GCM1: variants seen among roughly 807,000 people sequenced by gnomAD.
The protein encoded by GCM1 is GCM transcription factor 1.
A neutral mutation model predicts 25.7 loss-of-function variants in GCM1; 2 were observed. The observed-to-expected ratio is 0.08, with a 90% CI of 0.03 to 0.24. The LOEUF (loss-of-function observed/expected upper bound fraction) is 0.24, where lower values mean the gene tolerates loss of function less well. Among genes scored for constraint, GCM1 ranks in the 10% least tolerant of loss-of-function variants. The probability of loss-of-function intolerance (pLI) is 1.00; values close to 1 mark genes in which losing one functional copy is unlikely to be tolerated. For synonymous variants in GCM1, 183 were observed against 195.7 expected (o/e 0.94, Z 0.54); for missense variants, 395 against 538.7 (o/e 0.73, Z 2.64).
chr6:53,128,293 G>T lies in GCM1; in HGVS notation c.1224C>A (p.Ser408Arg). The change falls in exon 6 of 6, where the codon AGC (serine) becomes AGA (arginine). Residue 408 changes from serine to arginine, a missense_variant. This residue lies in a region of GCM1 where 291 missense variants were observed against 314.6 expected (regional missense o/e 0.92). Transcript: ENST00000259803. ...HQQYSLPSKS[S>R]KWDFEEEMTY... Reference sequence around the variant, plus strand: ...TCATTTCTTCCTCAAAATCCCATTTGCTGCTCTTGCTTGGCAGTGAATATT... The same window carrying T: ...TCATTTCTTCCTCAAAATCCCATTTTCTGCTCTTGCTTGGCAGTGAATATT... The T allele has an allele frequency of 2.5e-6, 4 of 1,613,682 alleles. No homozygotes were observed. Among genetic ancestry groups the T allele is most frequent in the Non-Finnish European group, 8.5e-7 (1 of 1,179,696 alleles).
rs760628105 is a variant in GCM1, at chr6:53,134,251, T to G, written c.149A>C (p.Lys50Thr). Reference sequence around the variant, plus strand: ...GCTGCTCAGGTGCCGCTGCGCATTCTTGTCCTCCGAGCTGTAGATGTGTTT... The same window carrying G: ...GCTGCTCAGGTGCCGCTGCGCATTCGTGTCCTCCGAGCTGTAGATGTGTTT... The part of the protein sequence containing the change: ...YAKHIYSSED[K>T]NAQRHLSSWA... Residue 50 changes from lysine to threonine, a missense_variant, in exon 3 of 6, where the codon AAG becomes ACG. By Grantham distance (78) the Lys-to-Thr change is moderately conservative. Transcript: ENST00000259803. 1.2e-6 allele frequency: 2 copies of G among 1,614,176 alleles called. No homozygotes were observed. Among genetic ancestry groups the G allele is most frequent in the South Asian group, 2.2e-5 (2 of 91,086 alleles).
chr6:53,138,985 A>C (rs1416345463), intron 2 of GCM1, among the ~76,000 whole-genome samples: 1 of 152,218 alleles, frequency 6.6e-6, no homozygotes, highest in Non-Finnish European at 1.5e-5. Context: ...TTAAAATACA[A>C]ATTCTGAAAT....
intron 2 of GCM1, among the ~76,000 whole-genome samples, chr6:53,144,971 G>GAAAGAAAGAAAA (rs200488538): frequency 4.4e-4 from 41 of 93,776 alleles, no homozygotes; most frequent in African/African-American, 1.9e-3. Flanking sequence ...AAGAAAGAAA[G>GAAAGAAAGAAAA]AAAATGAAAA....
chr6:53,138,841 A>G (rs1763835643), intron 2 of GCM1, among the ~76,000 whole-genome samples: 1 of 152,130 alleles, frequency 6.6e-6, no homozygotes, highest in African/African-American at 2.4e-5. Context: ...CTCTAACTCA[A>G]TCAAAATTTT....
At chr6:53,144,900 GCCAGACCCTA>G in intron 2 of GCM1, among the ~76,000 whole-genome samples, 1 of 120,248 alleles carries the variant, frequency 8.3e-6, no homozygotes, top group Non-Finnish European at 1.6e-5. Flanking sequence ...AGTTGACAGA[GCCAGACCCTA>G]CCTCAAAAAA....
chr6:53,141,259 G>A (rs769764664), intron 2 of GCM1, among the ~76,000 whole-genome samples: 40 of 152,204 alleles, frequency 2.6e-4, no homozygotes, highest in Non-Finnish European at 5.3e-4. Context: ...TCTCAAAAAT[G>A]TCTGATATCT....
chr6:53,142,385 G>A (rs1451956326), intron 2 of GCM1, among the ~76,000 whole-genome samples: 1 of 152,138 alleles, frequency 6.6e-6, no homozygotes, highest in East Asian at 1.9e-4. Flanking sequence ...GCCTAATACA[G>A]CCTCCTTCGG....
intron 3 of GCM1, among the ~76,000 whole-genome samples, chr6:53,133,820 C>T (rs1157396413): frequency 1.3e-5 from 2 of 152,146 alleles, no homozygotes; most frequent in South Asian, 2.1e-4. Context: ...AGCCTTCAGT[C>T]CAGTGCCTTA....
intron 5 of GCM1, among the ~76,000 whole-genome samples, chr6:53,129,259 CT>C (rs936500089): frequency 1.4e-4 from 20 of 139,478 alleles, no homozygotes; most frequent in African/African-American, 5.3e-4. Flanking sequence ...ATCCTAATTG[CT>C]TTTTATTTAT....
intron 2 of GCM1, among the ~76,000 whole-genome samples, chr6:53,138,241 C>T (rs945362069): frequency 9.4e-5 from 14 of 148,736 alleles, no homozygotes; most frequent in Admixed American, 5.4e-4. Flanking sequence ...GAGATCATGC[C>T]GCTGCACTCC....
intron 2 of GCM1, among the ~76,000 whole-genome samples, chr6:53,140,530 C>CA (rs10629921): frequency 0.038 from 4,932 of 128,518 alleles, 270 homozygotes; most frequent in African/African-American, 0.12. Flanking sequence ...TTCTCTCTAC[C>CA]AAAAAAAAAA....
intron 2 of GCM1, among the ~76,000 whole-genome samples, chr6:53,144,396 G>C (rs1020673120): frequency 1.5e-4 from 23 of 149,318 alleles, no homozygotes; most frequent in African/African-American, 5.5e-4. Flanking sequence ...CTGCACTCTG[G>C]CCCAGGAGAC....
intron 2 of GCM1, among the ~76,000 whole-genome samples, chr6:53,136,587 A>G (rs1464933414): frequency 3.9e-5 from 6 of 152,200 alleles, no homozygotes; most frequent in Admixed American, 3.3e-4. Flanking sequence ...CAGCCAGTCA[A>G]TGTGGTTGTA....
intron 4 of GCM1, among the ~76,000 whole-genome samples, chr6:53,131,204 C>G (rs571057044): frequency 6.6e-6 from 1 of 152,238 alleles, no homozygotes; most frequent in African/African-American, 2.4e-5. Context: ...AAATAAACAC[C>G]CTGTGTGCCT....
intron 2 of GCM1, among the ~76,000 whole-genome samples, chr6:53,136,479 A>C (rs1214456479): frequency 2.0e-5 from 3 of 152,196 alleles, no homozygotes; most frequent in Non-Finnish European, 4.4e-5. Context: ...TTGAGGACTT[A>C]CTAAATTAAC....
rs1450264792 is a variant in GCM1 at position 53,142,027 on chromosome 6, A to G, written c.75+3531T>C. On this transcript the variant is annotated intron_variant, in intron 2 of 5. Transcript: ENST00000259803. ...AAAAAAAAAAAAAAAAAAAAAAAAA[A>G]AAAAAAAAAAAAAACAGAAAGAAAA... Among the ~76,000 whole-genome samples, 316 of 139,468 alleles carry G rather than the reference A, an allele frequency of 2.3e-3. 20 individuals carry two copies. Among genetic ancestry groups the G allele is most frequent in the East Asian group, 8.7e-4 (4 of 4,572 alleles). The allele number at this position is 139,468 out of a possible 152,430, so 91.5% of individuals were successfully genotyped here.
In GCM1 at chr6:53,144,537, A is replaced by G. The variant is rs570619485; in HGVS notation, c.75+1021T>C. Among the ~76,000 whole-genome samples, 9 of 140,994 alleles carry G rather than the reference A, an allele frequency of 6.4e-5. No homozygotes were observed. The East Asian group carries it at 1.9e-3, about 29-fold the overall frequency. The allele number at this position is 140,994 out of a possible 152,430, so 92.5% of individuals were successfully genotyped here. On this transcript the variant is annotated intron_variant, in intron 2 of 5. Coordinates refer to ENST00000259803, the MANE Select transcript of GCM1 (RefSeq NM_003643.4). Reference sequence around the variant, plus strand: ...AAGAGGCCAGGCTGTTTATGCCTGTAATCCCAGCACTTTGGGAGGCAGAAG... The same window carrying G: ...AAGAGGCCAGGCTGTTTATGCCTGTGATCCCAGCACTTTGGGAGGCAGAAG...
chr6:53,134,701 G>A (rs1484556352), intron 2 of GCM1, among the ~76,000 whole-genome samples: 1 of 152,178 alleles, frequency 6.6e-6, no homozygotes, highest in Non-Finnish European at 1.5e-5. Context: ...AGTGTGGTAG[G>A]GTGTGCCTGC....
At chr6:53,129,193 A>T (rs957946935) in intron 5 of GCM1, among the ~76,000 whole-genome samples, 6 of 152,304 alleles carry the variant, frequency 3.9e-5, no homozygotes, top group Middle Eastern at 3.4e-3. Flanking sequence ...ATTTCCCTAC[A>T]TTCAGTAGAG....
Sources: gnomAD v4.1 joint callset for allele counts (sites outside exome capture counted in the v4.1 genomes callset) on GRCh38, gnomAD v4.1.1 for gene constraint, gnomAD v4.1.1 regional missense constraint, MANE v1.5 for transcripts, NCBI Gene and HGNC (gene_info 2026-07-23, HGNC 2026-07-21) for gene names.